Variants in MAF observed in about 807,000 individuals in gnomAD.
The protein encoded by MAF is MAF bZIP transcription factor.
Under a neutral mutation model 22.0 loss-of-function variants are expected in MAF, and 10 were observed. That is an observed-to-expected ratio of 0.45 (90% CI 0.28 to 0.77). The LOEUF is 0.77. Ranked by LOEUF, MAF falls within the 30% of genes least tolerant of loss-of-function variation. The pLI is 0.12. For synonymous variants in MAF, 337 were observed against 255.8 expected (o/e 1.32, Z -3.03); for missense variants, 544 against 548.4 (o/e 0.99, Z 0.08).
the MAF span, among the ~76,000 whole-genome samples, chr16:79,502,657 C>T: frequency 4.3e-5 from 6 of 139,194 alleles, no homozygotes; most frequent in South Asian, 8.9e-4. Context: ...CAGAGTTAGA[C>T]CTTGTCTCCA....
At chr16:79,589,784 G>A (rs1312375669), downstream of MAF, among the ~76,000 whole-genome samples, 1 of 152,206 alleles carries the variant, frequency 6.6e-6, no homozygotes, top group Non-Finnish European at 1.5e-5. Context: ...CACAATCCGA[G>A]CTCCTGCAGG....
the MAF span, among the ~76,000 whole-genome samples, chr16:79,238,360 T>G: frequency 6.6e-6 from 1 of 152,132 alleles, no homozygotes; most frequent in East Asian, 1.9e-4. Flanking sequence ...ATTTACAGAT[T>G]CCCTTTGTAT....
At chr16:79,329,726 T>C in the MAF span, among the ~76,000 whole-genome samples, 10 of 152,162 alleles carry the variant, frequency 6.6e-5, no homozygotes, top group Non-Finnish European at 1.3e-4. Flanking sequence ...AAATAAAGCA[T>C]CTTAGAAAAC....
chr16:79,543,032 A>G, the MAF span, among the ~76,000 whole-genome samples: 1 of 152,226 alleles, frequency 6.6e-6, no homozygotes, highest in Admixed American at 6.5e-5. Flanking sequence ...CTCTCTCACA[A>G]TCACATAAAC....
the MAF span, among the ~76,000 whole-genome samples, chr16:79,249,359 T>C: frequency 0.83 from 123,934 of 149,662 alleles, 52,514 homozygotes; most frequent in African/African-American, 0.92. Context: ...GTGGAGGTTG[T>C]GGTGAGCCAA....
chr16:79,478,184 G>A, the MAF span, among the ~76,000 whole-genome samples: 144 of 152,130 alleles, frequency 9.5e-4, 1 homozygote, highest in Non-Finnish European at 1.6e-3. Context: ...TCCCTTCCCC[G>A]TCATCCTGTG....
At chr16:79,549,574 C>A in the MAF span, among the ~76,000 whole-genome samples, 1 of 152,080 alleles carries the variant, frequency 6.6e-6, no homozygotes, top group Non-Finnish European at 1.5e-5. Context: ...CCAGTGAAGC[C>A]CAGCTTCAAT....
At chr16:79,284,904 C>T in the MAF span, among the ~76,000 whole-genome samples, 4 of 152,176 alleles carry the variant, frequency 2.6e-5, no homozygotes, top group South Asian at 2.1e-4. Context: ...AGCTCTCCCC[C>T]CAGCCAACAG....
chr16:79,307,848 G>T, the MAF span, among the ~76,000 whole-genome samples: 1 of 152,168 alleles, frequency 6.6e-6, no homozygotes, highest in Non-Finnish European at 1.5e-5. Flanking sequence ...ACAACGAAGA[G>T]ACTGAATTTT....
the MAF span, among the ~76,000 whole-genome samples, chr16:79,557,785 C>G: frequency 6.6e-6 from 1 of 151,996 alleles, no homozygotes; most frequent in African/African-American, 2.4e-5. Context: ...TGAGTGCTCT[C>G]TGATGGGCAA....
At chr16:79,455,977 C>G in the MAF span, among the ~76,000 whole-genome samples, 1 of 152,054 alleles carries the variant, frequency 6.6e-6, no homozygotes, top group Non-Finnish European at 1.5e-5. Context: ...AAGATCTTGC[C>G]ACTGCACTCC....
At chr16:79,568,714 C>G in the MAF span, among the ~76,000 whole-genome samples, 1 of 152,152 alleles carries the variant, frequency 6.6e-6, no homozygotes, top group Non-Finnish European at 1.5e-5. Flanking sequence ...AAATTTGCTG[C>G]CTTTCCACCT....
intron 1 of MAF, chr16:79,594,813 T>TA (rs1235357775): frequency 7.9e-7 from 1 of 1,268,382 alleles, no homozygotes; most frequent in Non-Finnish European, 1.0e-6. Context: ...AACCTTCTCT[T>TA]ACAGCCAGCC....
At chr16:79,478,999 T>A in the MAF span, among the ~76,000 whole-genome samples, 1 of 151,858 alleles carries the variant, frequency 6.6e-6, no homozygotes, top group African/African-American at 2.4e-5. Flanking sequence ...CTGTATAGCA[T>A]CCTAGTGCAC....
At chr16:79,588,244 A>T (rs993941738) in intron 1 of MAF, among the ~76,000 whole-genome samples, 2 of 152,160 alleles carry the variant, frequency 1.3e-5, no homozygotes, top group Non-Finnish European at 2.9e-5. Context: ...GTGTCTCCAC[A>T]CTGCTCCGAG....
At chr16:79,211,513 G>C in the MAF span, 12 of 1,515,552 alleles carry the variant, frequency 7.9e-6, no homozygotes, top group South Asian at 2.3e-5. Flanking sequence ...TGAACCAGGT[G>C]GGGGAGGCCT....
chr16:79,448,823 C>T, the MAF span, among the ~76,000 whole-genome samples: 1 of 151,998 alleles, frequency 6.6e-6, no homozygotes, highest in African/African-American at 2.4e-5. Context: ...CAGCATTCCC[C>T]AAACTTTTTG....
the MAF span, among the ~76,000 whole-genome samples, chr16:79,384,082 A>G: frequency 2.0e-5 from 3 of 152,170 alleles, no homozygotes; most frequent in East Asian, 1.9e-4. Context: ...CCTGAGTTGT[A>G]CAATCGGGAT....
At chr16:79,278,131 T>C in the MAF span, among the ~76,000 whole-genome samples, 1 of 152,216 alleles carries the variant, frequency 6.6e-6, no homozygotes. Context: ...GCTGTCTAAT[T>C]AGGACTAGAT....
Sources: allele counts gnomAD v4.1 joint callset (sites outside exome capture counted in the v4.1 genomes callset), GRCh38; gene constraint gnomAD v4.1.1; transcripts MANE v1.5; gene names NCBI Gene and HGNC (gene_info 2026-07-23, HGNC 2026-07-21).